The following SAMMSON variants were observed in gnomAD, a reference collection of about 807,000 sequenced individuals.
SAMMSON encodes the protein survival associated mitochondrial melanoma specific oncogenic non-coding RNA, also known as long intergenic non-protein coding RNA 1212.
chr3:70,204,473 CTT>C (rs1701271969), intron 4 of SAMMSON: 1 of 152,104 alleles, frequency 6.6e-6, no homozygotes, highest in Non-Finnish European at 1.5e-5. Flanking sequence ...TTTCCTTTCT[CTT>C]TTATCCAGGT....
At chr3:70,201,749 C>G (rs552011212) in intron 4 of SAMMSON, among the ~76,000 whole-genome samples, 1 of 152,308 alleles carries the variant, frequency 6.6e-6, no homozygotes, top group East Asian at 1.9e-4. Flanking sequence ...CAGGCCACTA[C>G]CAGCTTCTTG....
intron 9 of SAMMSON, among the ~76,000 whole-genome samples, chr3:70,372,953 T>C (rs1403486108): frequency 6.6e-6 from 1 of 152,170 alleles, no homozygotes; most frequent in African/African-American, 2.4e-5. Flanking sequence ...TTTATAATTG[T>C]TTTAAAATCT....
intron 3 of SAMMSON, among the ~76,000 whole-genome samples, chr3:70,053,722 C>T (rs1209026059): frequency 3.3e-5 from 5 of 152,090 alleles, no homozygotes; most frequent in Non-Finnish European, 5.9e-5. Context: ...CATTATACTA[C>T]ATATCTGGGG....
Position 70,138,223 on chromosome 3 carries a change from A to T in SAMMSON, n.507+66658A>T, listed in dbSNP as rs150362367. On this transcript the variant is annotated intron_variant and non_coding_transcript_variant, in intron 4 of 9. Coordinates refer to ENST00000642114, the Ensembl canonical transcript of SAMMSON. The stretch of plus-strand genomic sequence containing the variant: ...GCACTTTAAAATCTGTATTAAATAA[A>T]ATCCCCATTTTTTGTTTGTTTGTGT... Among the ~76,000 whole-genome samples the T allele has an allele frequency of 5.3e-5, 8 of 152,326 alleles. No individual in the cohort carries two copies. In the East Asian group the frequency reaches 1.5e-3, roughly 29 times the overall value.
At chr3:70,135,258 A>G (rs1352798483) in intron 4 of SAMMSON, among the ~76,000 whole-genome samples, 1 of 152,168 alleles carries the variant, frequency 6.6e-6, no homozygotes, top group Non-Finnish European at 1.5e-5. Flanking sequence ...CTGTTGATGT[A>G]CTTTGAAAAT....
At chr3:70,007,696 G>C (rs2066934099) in intron 1 of SAMMSON, among the ~76,000 whole-genome samples, 2 of 151,968 alleles carry the variant, frequency 1.3e-5, no homozygotes, top group South Asian at 2.1e-4. Flanking sequence ...ATTGCTTTTG[G>C]TGTTTTAGAC....
chr3:70,214,408 A>G (rs1461165684), intron 4 of SAMMSON, among the ~76,000 whole-genome samples: 1 of 152,116 alleles, frequency 6.6e-6, no homozygotes, highest in African/African-American at 2.4e-5. Flanking sequence ...AGCCTTTTCA[A>G]TCAGGCTTGG....
At chr3:70,385,407 GGT>G (rs1703112380) in intron 9 of SAMMSON, among the ~76,000 whole-genome samples, 1 of 152,080 alleles carries the variant, frequency 6.6e-6, no homozygotes, top group Non-Finnish European at 1.5e-5. Flanking sequence ...CATTGTTGTA[GGT>G]GTGTGTGGAT....
At chr3:70,266,909 C>T (rs189063820) in intron 6 of SAMMSON, among the ~76,000 whole-genome samples, 3 of 152,352 alleles carry the variant, frequency 2.0e-5, no homozygotes, top group Non-Finnish European at 4.4e-5. Context: ...CCACAGAAGG[C>T]ATGGCCTGGC....
chr3:70,051,731 C>G (rs1041043474), intron 3 of SAMMSON, among the ~76,000 whole-genome samples: 1 of 125,662 alleles, frequency 8.0e-6, no homozygotes, highest in African/African-American at 3.2e-5. Context: ...TTTCTATTAA[C>G]TTAATAAATT....
At chr3:70,397,542 C>CTGTTGAAGACTGTTGT (rs1456345435) in intron 2 of SAMMSON, among the ~76,000 whole-genome samples, 1 of 152,060 alleles carries the variant, frequency 6.6e-6, no homozygotes, top group Non-Finnish European at 1.5e-5. Context: ...ATACAATGTT[C>CTGTTGAAGACTGTTGT]TGTTGAAGAC....
Position 70,270,285 on chromosome 3 carries a change from A to G in SAMMSON, n.674+20615A>G, listed in dbSNP as rs142043711. On this transcript the variant is annotated intron_variant and non_coding_transcript_variant, in intron 6 of 9. Coordinates refer to ENST00000642114, the Ensembl canonical transcript of SAMMSON. ...TACAGCAAATCCTAGCACATTACAAAATATTTCAAAGCATGGGAAATAAAT... is the reference window on the plus strand; with the variant it reads ...TACAGCAAATCCTAGCACATTACAAGATATTTCAAAGCATGGGAAATAAAT... Among the ~76,000 whole-genome samples the G allele has an allele frequency of 1.5e-3, 224 of 152,366 alleles. 1 individual carries two copies. Among genetic ancestry groups the G allele is most frequent in the African/African-American group, 5.1e-3 (213 of 41,586 alleles).
intron 4 of SAMMSON, among the ~76,000 whole-genome samples, chr3:70,173,718 T>C (rs1700980683): frequency 6.6e-6 from 1 of 151,992 alleles, no homozygotes; most frequent in South Asian, 2.1e-4. Flanking sequence ...GTTTTTACAG[T>C]CTTGTTAATC....
chr3:70,261,480 T>G (rs1280385885), intron 6 of SAMMSON, among the ~76,000 whole-genome samples: 2 of 152,206 alleles, frequency 1.3e-5, no homozygotes, highest in Non-Finnish European at 2.9e-5. Flanking sequence ...GTACTTTCCT[T>G]GATTCATTCT....
chr3:70,010,968 G>T (rs1390472089), intron 1 of SAMMSON, among the ~76,000 whole-genome samples: 1 of 152,022 alleles, frequency 6.6e-6, no homozygotes, highest in African/African-American at 2.4e-5. Context: ...TTGACAGCAG[G>T]ATTCAGTTAC....
chr3:70,253,396 T>G (rs115038839), intron 6 of SAMMSON, among the ~76,000 whole-genome samples: 1,708 of 152,140 alleles, frequency 0.011, 36 homozygotes, highest in African/African-American at 0.039. Context: ...AGAGAGTGGA[T>G]GAAGAGTTGT....
intron 6 of SAMMSON, among the ~76,000 whole-genome samples, chr3:70,256,109 T>A (rs1433386944): frequency 1.3e-5 from 2 of 152,216 alleles, no homozygotes; most frequent in African/African-American, 4.8e-5. Context: ...GAGCAAGAAC[T>A]AACAAGGTCA....
intron 6 of SAMMSON, among the ~76,000 whole-genome samples, chr3:70,252,737 G>C (rs376232422): frequency 3.3e-5 from 5 of 151,962 alleles, no homozygotes; most frequent in African/African-American, 4.8e-5. Flanking sequence ...TCAGGAACTG[G>C]TTCTGTGGAT....
chr3:70,260,438 G>T (rs1287403842), intron 6 of SAMMSON, among the ~76,000 whole-genome samples: 1 of 152,018 alleles, frequency 6.6e-6, no homozygotes, highest in African/African-American at 2.4e-5. Context: ...GGTAATGGGG[G>T]TTAGTACCTC....
Sources: allele counts gnomAD v4.1 joint callset (sites outside exome capture counted in the v4.1 genomes callset), GRCh38; gene constraint gnomAD v4.1.1; transcripts MANE v1.5; gene names NCBI Gene and HGNC (gene_info 2026-07-23, HGNC 2026-07-21).